KANK2: variants seen among roughly 807,000 people sequenced by gnomAD.
The protein encoded by KANK2 is KN motif and ankyrin repeat domain-containing protein 2.
KANK2 carries 41 observed loss-of-function variants against 74.6 expected under a neutral mutation model. The observed-to-expected ratio is 0.55, with a 90% confidence interval of 0.43 to 0.71. KANK2 has a LOEUF of 0.71. Ranked by LOEUF, KANK2 falls within the 30% of genes least tolerant of loss-of-function variation. The probability of loss-of-function intolerance (pLI) is 0.00; values close to 1 mark genes in which losing one functional copy is unlikely to be tolerated. For synonymous variants in KANK2, 537 were observed against 519.0 expected, an observed-to-expected ratio of 1.03 and a Z score of -0.47; for missense variants, 1,148 against 1,196.4, an observed-to-expected ratio of 0.96 and a Z score of 0.60.
At position 11,193,828 on chromosome 19, in the gene KANK2, A is replaced by C; in HGVS notation, c.252T>G (p.Thr84=). ...PRGPGSWWTS[T]ESLCSNASGD... The stretch of plus-strand genomic sequence containing the variant: ...CACTGGCATTGGAGCACAGCGACTC[A>C]GTGGACGTCCACCAGGAGCCAGGGC... Residue 84 remains threonine, a synonymous_variant, in exon 4 of 13, where the codon ACT becomes ACG. Coordinates refer to ENST00000586659, the MANE Select transcript of KANK2 (RefSeq NM_001136191.3). The surrounding 1 kb of genome is among the most constrained non-coding windows in gnomAD (Gnocchi z 9.6). The C allele has an allele frequency of 1.9e-6, 3 of 1,612,670 alleles. No homozygotes were observed. The South Asian group carries it at 3.3e-5, about 18-fold the overall frequency.
intron 4 of KANK2, among the ~76,000 whole-genome samples, chr19:11,181,236 TTTA>T (rs200654235): frequency 0.015 from 2,188 of 147,992 alleles, 47 homozygotes; most frequent in African/African-American, 0.049. Context: ...GTTGTCAAGA[TTTA>T]TTATTATTAT....
chr19:11,171,409 T>A (rs1235748634), intron 10 of KANK2, among the ~76,000 whole-genome samples: 1 of 151,644 alleles, frequency 6.6e-6, no homozygotes, highest in East Asian at 1.9e-4. Context: ...ATTGCACCAC[T>A]GCACTCCAGC....
At chr19:11,175,808 G>A in intron 8 of KANK2, 94 bp downstream of exon 8, 6 of 836,200 alleles carry the variant, frequency 7.2e-6, no homozygotes, top group Admixed American at 2.1e-5. Flanking sequence ...CACTAGGCAG[G>A]AGCAGGAAGT....
In KANK2 at chr19:11,176,679, T is replaced by G; in HGVS notation, c.1659A>C (p.Ala553=). 6.2e-7 allele frequency: 1 copy of G among 1,613,678 alleles called. No homozygotes were observed. Among genetic ancestry groups the G allele is most frequent in the Non-Finnish European group, 8.5e-7 (1 of 1,179,876 alleles). ...ACTCCTGCCGGCTGGTCTTGGCCGC[T>G]GCCGTCCCTGCAGGCCTGAGCTGGG... ...EAPQLRPAGT[A]AAKTSRQECQ... The change falls in exon 7 of 13, where the codon GCA becomes GCC. Residue 553 remains alanine (A), a synonymous_variant. Transcript: ENST00000586659.
intron 9 of KANK2, among the ~76,000 whole-genome samples, chr19:11,173,957 C>T (rs2078253980): frequency 6.6e-6 from 1 of 150,752 alleles, no homozygotes; most frequent in African/African-American, 2.4e-5. Context: ...TTAAACTAGG[C>T]AGGTGGTGTC....
rs2078019852 is a variant in KANK2 at position 11,166,246 on chromosome 19, C to T, written c.*312G>A. 6.9e-6 allele frequency: 2 copies of T among 287,872 alleles called. No individual in the cohort carries two copies. The highest frequency in any genetic ancestry group is 4.4e-5 in the African/African-American group (2 of 45,870). 17.8% of individuals were successfully genotyped at this position (287,872 alleles called of 1,614,324 possible). A position where few individuals can be genotyped will look rare whatever the true frequency, so the allele number is the denominator to read the frequency against. On this transcript the variant is annotated 3_prime_UTR_variant, in exon 13 of 13. Coordinates refer to ENST00000586659, the MANE Select transcript of KANK2 (RefSeq NM_001136191.3). The stretch of plus-strand genomic sequence containing the variant: ...TCCCTCTTCCTCCATCCATAATTAC[C>T]AGCTGATTGTTCTCAATGTTCTTCA...
chr19:11,167,892 T>C (rs1404985737), intron 12 of KANK2, among the ~76,000 whole-genome samples: 1 of 151,992 alleles, frequency 6.6e-6, no homozygotes, highest in Admixed American at 6.6e-5. Flanking sequence ...TTGTTCCTGC[T>C]GCCCGGAAGA....
intron 9 of KANK2, 118 bp downstream of exon 9, chr19:11,174,355 C>T: frequency 2.5e-6 from 2 of 808,388 alleles, no homozygotes; most frequent in East Asian, 2.7e-5. Flanking sequence ...ACTGAGAAGG[C>T]CGCGTCTCCT....
chr19:11,168,950 C>T (rs993551645), intron 12 of KANK2, among the ~76,000 whole-genome samples: 1 of 152,152 alleles, frequency 6.6e-6, no homozygotes, highest in African/African-American at 2.4e-5. Flanking sequence ...CCCTGTAATC[C>T]CAGCGCTTTC....
chr19:11,182,154 G>T (rs1402913140), intron 4 of KANK2, among the ~76,000 whole-genome samples: 1 of 151,844 alleles, frequency 6.6e-6, no homozygotes, highest in African/African-American at 2.4e-5. Context: ...AATCTCCAGT[G>T]ATCCACCCGC....
intron 6 of KANK2, among the ~76,000 whole-genome samples, chr19:11,177,035 G>T (rs1054127620): frequency 1.3e-5 from 2 of 152,026 alleles, no homozygotes; most frequent in Admixed American, 6.6e-5. Context: ...TCATGCTCGG[G>T]GGGAGGGGCA....
chr19:11,194,869 T>A, intron 2 of KANK2: 1 of 200,064 alleles, frequency 5.0e-6, no homozygotes, highest in Non-Finnish European at 1.1e-5. Context: ...CACATAGCCC[T>A]GGGGCTGGGG....
In KANK2 at chr19:11,193,501, C is replaced by T. The variant is rs192902851; in HGVS notation, c.579G>A (p.Ala193=). The change falls in exon 4 of 13, where the codon GCG becomes GCA. Residue 193 remains alanine (A), a synonymous_variant. Coordinates refer to ENST00000586659, the MANE Select transcript of KANK2 (RefSeq NM_001136191.3). This position sits in a 1 kb window ranked among gnomAD's most constrained non-coding sequence, Gnocchi z 9.6. The part of the protein sequence containing the change: ...GHLAHVREQM[A]GALRKLRQLE... The stretch of plus-strand genomic sequence containing the variant: ...GCTGCCGCAGCTTCCGCAGGGCACC[C>T]GCCATCTGCTCCCGCACGTGGGCCA... The T allele has an allele frequency of 9.9e-6, 16 of 1,609,986 alleles. No homozygotes were observed. In the East Asian group the frequency reaches 2.2e-4, roughly 22 times the overall value.
rs2078127586 is a variant in KANK2, at chr19:11,170,007, T to C, written c.2412+41A>G. ...TGCTATGAATGACGTCCCCATGCTG[T>C]GCTCCCGCCCTCCCCGGGGTGCACC... On this transcript the variant is annotated intron_variant, in intron 11 of 12. Coordinates refer to ENST00000586659, the MANE Select transcript of KANK2 (RefSeq NM_001136191.3). The surrounding 1 kb of genome is among the most constrained non-coding windows in gnomAD (Gnocchi z 5.2). The C allele has an allele frequency of 6.2e-7, 1 of 1,612,364 alleles. No homozygotes were observed. The highest frequency in any genetic ancestry group is 1.7e-5 in the Admixed American group (1 of 59,992).
intron 4 of KANK2, among the ~76,000 whole-genome samples, chr19:11,184,198 A>AGC (rs879760296): frequency 0.022 from 3,288 of 149,554 alleles, 125 homozygotes; most frequent in Admixed American, 0.028. Context: ...CAACATGGTG[A>AGC]AACCCAGTCT....
chr19:11,184,193 T>C (rs1490204269), intron 4 of KANK2, among the ~76,000 whole-genome samples: 2 of 133,094 alleles, frequency 1.5e-5, no homozygotes, highest in African/African-American at 2.7e-5. Flanking sequence ...CTGGCCAACA[T>C]GGTGAAACCC....
intron 4 of KANK2, among the ~76,000 whole-genome samples, chr19:11,187,942 C>T (rs1029231144): frequency 5.3e-5 from 8 of 151,702 alleles, no homozygotes; most frequent in Admixed American, 3.9e-4. Context: ...GAGACCTCAT[C>T]TCAATAAAAA....
rs150409369 is a variant in KANK2 at position 11,172,768 on chromosome 19, C to T, written c.2211+213G>A. 1.9e-3 allele frequency among the ~76,000 whole-genome samples: 289 copies of T among 152,306 alleles called. 2 individuals are homozygous for T. Among genetic ancestry groups the T allele is most frequent in the Admixed American group, 0.014 (215 of 15,280 alleles). On this transcript the variant is annotated intron_variant, in intron 10 of 12. Transcript: ENST00000586659. Reference sequence around the variant, plus strand: ...AGCTGCTGCTCAATGAACTGTCCAGCAGGATGTGGGATGGGGTCATATTAA... The same window carrying T: ...AGCTGCTGCTCAATGAACTGTCCAGTAGGATGTGGGATGGGGTCATATTAA...
intron 4 of KANK2, among the ~76,000 whole-genome samples, chr19:11,189,645 G>C (rs1038868053): frequency 1.7e-5 from 2 of 118,090 alleles, no homozygotes; most frequent in Non-Finnish European, 3.5e-5. Flanking sequence ...GGAAGATATA[G>C]AAATGAATTA....
Sources: gnomAD v4.1 joint callset for allele counts (sites outside exome capture counted in the v4.1 genomes callset) on GRCh38, gnomAD v4.1.1 for gene constraint, Gnocchi (gnomAD v3.1) non-coding constraint, MANE v1.5 for transcripts, NCBI Gene and HGNC (gene_info 2026-07-23, HGNC 2026-07-21) for gene names.